Variants in RGS9 observed in about 807,000 individuals in gnomAD.
RGS9 encodes regulator of G-protein signalling 9.
In RGS9, 78 loss-of-function variants were observed where a neutral mutation model predicts 102.0. That is an observed-to-expected ratio of 0.76 (90% CI 0.64 to 0.92). The LOEUF is 0.92. Among genes scored for constraint, RGS9 ranks in the 40% least tolerant of loss-of-function variants. RGS9 has a pLI of 0.00. For missense variants in RGS9, 833 were observed against 866.1 expected, an observed-to-expected ratio of 0.96 and a Z score of 0.48; for synonymous variants, 353 against 318.6, an observed-to-expected ratio of 1.11 and a Z score of -1.15.
At chr17:65,148,311 T>C (rs1198452260) in intron 1 of RGS9, among the ~76,000 whole-genome samples, 1 of 152,240 alleles carries the variant, frequency 6.6e-6, no homozygotes, top group Non-Finnish European at 1.5e-5. Flanking sequence ...TCTTTGTTCA[T>C]CTGACAGTGG....
chr17:65,197,394 T>C (rs1408990741), intron 13 of RGS9, among the ~76,000 whole-genome samples, 153 bp downstream of exon 13: 2 of 152,208 alleles, frequency 1.3e-5, no homozygotes, highest in African/African-American at 2.4e-5. Flanking sequence ...GCTTTAAGAA[T>C]GGGACCTGAG....
At chr17:65,207,383 G>A (rs185429523) in intron 15 of RGS9, among the ~76,000 whole-genome samples, 3 of 152,312 alleles carry the variant, frequency 2.0e-5, no homozygotes, top group Admixed American at 6.5e-5. Context: ...CCTGGAGACT[G>A]TTCAGGTAGT....
chr17:65,219,557 C>T (rs1404679761), intron 17 of RGS9, among the ~76,000 whole-genome samples: 2 of 152,150 alleles, frequency 1.3e-5, no homozygotes, highest in African/African-American at 4.8e-5. Flanking sequence ...TTAACAAACC[C>T]CTCTATCCAT....
At chr17:65,141,053 G>A (rs556061285) in intron 1 of RGS9, among the ~76,000 whole-genome samples, 5 of 152,336 alleles carry the variant, frequency 3.3e-5, no homozygotes, top group South Asian at 2.1e-4. Flanking sequence ...AGAAAGGACC[G>A]TGTGCGATTC....
chr17:65,192,809 A>G (rs373840753), intron 11 of RGS9, among the ~76,000 whole-genome samples: 22 of 152,276 alleles, frequency 1.4e-4, no homozygotes, highest in African/African-American at 5.3e-4. Context: ...AAACCCAGGC[A>G]TTATCCTGAG....
At chr17:65,222,537 A>G (rs1009562132) in intron 17 of RGS9, among the ~76,000 whole-genome samples, 2 of 152,206 alleles carry the variant, frequency 1.3e-5, no homozygotes, top group Non-Finnish European at 2.9e-5. Flanking sequence ...TGTGGGCCTC[A>G]ATGTTCTGTT....
At chr17:65,172,959 A>G (rs1427005165) in intron 8 of RGS9, among the ~76,000 whole-genome samples, 2 of 145,908 alleles carry the variant, frequency 1.4e-5, no homozygotes, top group Admixed American at 1.4e-4. Flanking sequence ...GTGTTGCCCT[A>G]TTGCCCAGGC....
At chr17:65,152,272 G>C (rs1910607791) in intron 1 of RGS9, among the ~76,000 whole-genome samples, 2 of 152,202 alleles carry the variant, frequency 1.3e-5, no homozygotes, top group African/African-American at 4.8e-5. Flanking sequence ...TCCTTGGTAT[G>C]GCTGGGGGAA....
At chr17:65,219,354 T>A (rs1332362763) in intron 17 of RGS9, among the ~76,000 whole-genome samples, 1 of 152,236 alleles carries the variant, frequency 6.6e-6, no homozygotes, top group Non-Finnish European at 1.5e-5. Context: ...GCTGCTATTG[T>A]TCCAGCAGGT....
At position 65,227,652 on chromosome 17, in the gene RGS9, C is replaced by G; in HGVS notation, c.*245C>G. The G allele has an allele frequency of 1.8e-6, 1 of 557,560 alleles. No individual in the cohort carries two copies. The highest frequency in any genetic ancestry group is 3.2e-6 in the Non-Finnish European group (1 of 310,220). The allele number at this position is 557,560 out of a possible 1,614,324, so 34.5% of individuals were successfully genotyped here. A position where few individuals can be genotyped will look rare whatever the true frequency, so the allele number is the denominator to read the frequency against. The stretch of plus-strand genomic sequence containing the variant: ...GAAGAAACGCATGTGGACCAGAAGA[C>G]TTTCCCTGCTGCCTTAAAACCAATA... On this transcript the variant is annotated 3_prime_UTR_variant, in exon 19 of 19. Coordinates refer to ENST00000262406, the MANE Select transcript of RGS9 (RefSeq NM_003835.4).
intron 2 of RGS9, among the ~76,000 whole-genome samples, chr17:65,155,957 AT>A (rs1256602637): frequency 3.3e-5 from 5 of 152,150 alleles, no homozygotes; most frequent in Non-Finnish European, 7.4e-5. Context: ...CCTTAAGCTC[AT>A]TTCATGAGTG....
chr17:65,225,243 G>A lies in RGS9; in HGVS notation c.1649G>A (p.Gly550Glu), dbSNP rs1193534853. The change falls in exon 18 of 19, where the codon GGG (glycine) becomes GAG (glutamate). Residue 550 changes from glycine to glutamate, a missense_variant. Gly to Glu is a moderately conservative substitution (Grantham distance 98). This residue lies in a region of RGS9 where 320 missense variants were observed against 276.8 expected (regional missense o/e 1.16). Coordinates refer to ENST00000262406, the MANE Select transcript of RGS9 (RefSeq NM_003835.4). Reference sequence around the variant, plus strand: ...TGCAGCGGGTCCATGGCCCCCCGTGGGCCCTCTGTCACCGAGAGCAGCGAG... The same window carrying A: ...TGCAGCGGGTCCATGGCCCCCCGTGAGCCCTCTGTCACCGAGAGCAGCGAG... ...GECSGSMAPR[G>E]PSVTESSEAS... 1 of 1,610,314 alleles carries A rather than the reference G, an allele frequency of 6.2e-7. No individual in the cohort carries two copies. The highest frequency in any genetic ancestry group is 8.5e-7 in the Non-Finnish European group (1 of 1,179,984).
At chr17:65,162,258 G>A (rs1911014174) in intron 6 of RGS9, among the ~76,000 whole-genome samples, 1 of 151,938 alleles carries the variant, frequency 6.6e-6, no homozygotes, top group Non-Finnish European at 1.5e-5. Context: ...AGGTGTGGTG[G>A]CATGCACAGG....
At chr17:65,202,315 G>A (rs929468196) in intron 14 of RGS9, among the ~76,000 whole-genome samples, 9 of 152,008 alleles carry the variant, frequency 5.9e-5, no homozygotes, top group African/African-American at 2.2e-4. Context: ...CTGTTCCTAT[G>A]GGAATGTGTC....
chr17:65,224,724 GGAA>G (rs1368219949), intron 17 of RGS9, among the ~76,000 whole-genome samples: 2 of 152,206 alleles, frequency 1.3e-5, no homozygotes, highest in Non-Finnish European at 2.9e-5. Context: ...TCCTTGGCCT[GGAA>G]GAAGGTCAGT....
At chr17:65,165,063 C>T (rs1050564672) in intron 7 of RGS9, among the ~76,000 whole-genome samples, 3 of 152,158 alleles carry the variant, frequency 2.0e-5, no homozygotes, top group African/African-American at 7.2e-5. Flanking sequence ...GGGCTGGGCT[C>T]CAGGGACACA....
At chr17:65,215,485 T>TTTCGTTCG (rs758512054) in intron 17 of RGS9, among the ~76,000 whole-genome samples, 6 of 125,192 alleles carry the variant, frequency 4.8e-5, no homozygotes, top group South Asian at 2.6e-4. Flanking sequence ...TCTATCTTTC[T>TTTCGTTCG]TTCGTTCTTT....
At chr17:65,178,740 A>C (rs1911743009) in intron 9 of RGS9, among the ~76,000 whole-genome samples, 1 of 152,162 alleles carries the variant, frequency 6.6e-6, no homozygotes, top group Non-Finnish European at 1.5e-5. Flanking sequence ...CCTGGGCTCA[A>C]GCAGTCCTCC....
chr17:65,161,700 T>TTATTTATA (rs1305656499), intron 6 of RGS9, among the ~76,000 whole-genome samples: 1 of 136,124 alleles, frequency 7.3e-6, no homozygotes, highest in East Asian at 2.1e-4. Flanking sequence ...GTTTTTATTT[T>TTATTTATA]TATTTATATA....
Sources: allele counts gnomAD v4.1 joint callset (sites outside exome capture counted in the v4.1 genomes callset), GRCh38; gene constraint gnomAD v4.1.1; regional missense constraint gnomAD v4.1.1; transcripts MANE v1.5; gene names NCBI Gene and HGNC (gene_info 2026-07-23, HGNC 2026-07-21).